FBXO9: variants seen among roughly 807,000 people sequenced by gnomAD.
FBXO9 encodes F-box only protein 9.
In FBXO9, 43 loss-of-function variants were observed where a neutral mutation model predicts 63.7. The ratio of observed to expected loss-of-function variants is 0.67; its 90% CI spans 0.53 to 0.87. The LOEUF is 0.87. Ranked by LOEUF, FBXO9 falls within the 40% of genes least tolerant of loss-of-function variation. The pLI, the probability that FBXO9 is intolerant of heterozygous loss-of-function variation, is 0.00. For missense variants in FBXO9, 442 were observed against 533.2 expected (o/e 0.83, Z 1.68); for synonymous variants, 156 against 171.7 (o/e 0.91, Z 0.72).
Position 53,071,141 on chromosome 6 carries a change from C to A in FBXO9, c.88C>A (p.Gln30Lys). ...ENESPAETDLQAQLQMFRAQW... is the reference protein window; with the variant it reads ...ENESPAETDLKAQLQMFRAQW... ...TGAAAGTCCTGCTGAAACAGATCTGCAGGCATGTTTCTTCAATTGTGTCTT... is the reference window on the plus strand; with the variant it reads ...TGAAAGTCCTGCTGAAACAGATCTGAAGGCATGTTTCTTCAATTGTGTCTT... Residue 30 changes from glutamine to lysine, a missense_variant and splice_region_variant, in exon 2 of 13, where the codon CAG becomes AAG. This residue lies in a region of FBXO9 where 180 missense variants were observed against 171.1 expected (regional missense o/e 1.05). Transcript: ENST00000323557. 6.4e-7 allele frequency: 1 copy of A among 1,555,288 alleles called. No individual in the cohort carries two copies. Among genetic ancestry groups the A allele is most frequent in the Non-Finnish European group, 8.7e-7 (1 of 1,147,810 alleles).
intron 7 of FBXO9, among the ~76,000 whole-genome samples, chr6:53,089,003 G>A (rs1299211975): frequency 6.6e-6 from 1 of 150,568 alleles, no homozygotes; most frequent in Admixed American, 6.6e-5. Flanking sequence ...CTCACTGCAA[G>A]CTCCGCCTCT....
intron 3 of FBXO9, among the ~76,000 whole-genome samples, chr6:53,074,104 T>C (rs1769015034): frequency 1.3e-5 from 2 of 152,240 alleles, no homozygotes; most frequent in Non-Finnish European, 2.9e-5. Context: ...ATTAATCATT[T>C]CCTTATTCTG....
chr6:53,093,424 G>T (rs748160306), intron 9 of FBXO9, 42 bp from the exon 10 acceptor site: 7 of 1,357,656 alleles, frequency 5.2e-6, no homozygotes, highest in Non-Finnish European at 6.3e-6. Flanking sequence ...TTTATACTTT[G>T]TGTGGGGGGT....
intron 1 of FBXO9, among the ~76,000 whole-genome samples, chr6:53,068,645 T>TAC (rs1450024980): frequency 2.2e-5 from 2 of 90,022 alleles, no homozygotes; most frequent in Non-Finnish European, 4.8e-5. Flanking sequence ...GGAATATATA[T>TAC]ATATATGTGT....
At chr6:53,074,569 C>T (rs1205219198) in intron 3 of FBXO9, among the ~76,000 whole-genome samples, 2 of 152,216 alleles carry the variant, frequency 1.3e-5, no homozygotes, top group African/African-American at 4.8e-5. Context: ...CTTCATGTAA[C>T]CACCACCACA....
chr6:53,086,093 G>A (rs764736617), intron 7 of FBXO9, among the ~76,000 whole-genome samples: 144 of 152,324 alleles, frequency 9.5e-4, no homozygotes, highest in East Asian at 2.1e-3. Context: ...AGGTTGCGGT[G>A]AGCTAAGATC....
chr6:53,096,504 C>T (rs964291370), intron 12 of FBXO9, among the ~76,000 whole-genome samples: 1 of 152,216 alleles, frequency 6.6e-6, no homozygotes, highest in Non-Finnish European at 1.5e-5. Flanking sequence ...TTTGGAAGGT[C>T]CTGACAACAG....
At chr6:53,095,467 A>C (rs777429134) in intron 11 of FBXO9, 46 bp from the exon 12 acceptor site, 1 of 1,522,874 alleles carries the variant, frequency 6.6e-7, no homozygotes, top group Non-Finnish European at 8.9e-7. Flanking sequence ...TAAACATAGA[A>C]GTGAGGTAAG....
At chr6:53,090,512 CAAAG>C (rs1000774213) in intron 7 of FBXO9, among the ~76,000 whole-genome samples, 21 of 152,026 alleles carry the variant, frequency 1.4e-4, no homozygotes, top group African/African-American at 4.1e-4. Flanking sequence ...AAAACAAAAA[CAAAG>C]AAAGAAAGAA....
intron 12 of FBXO9, among the ~76,000 whole-genome samples, chr6:53,096,203 A>T (rs987484183): frequency 6.6e-6 from 1 of 152,236 alleles, no homozygotes; most frequent in African/African-American, 2.4e-5. Flanking sequence ...TTACCTGTAC[A>T]TCATAATCAG....
At chr6:53,081,979 G>T (rs1008917762) in intron 6 of FBXO9, among the ~76,000 whole-genome samples, 1 of 152,018 alleles carries the variant, frequency 6.6e-6, no homozygotes, top group African/African-American at 2.4e-5. Context: ...TGAGGCACGA[G>T]AATTACTTGA....
intron 6 of FBXO9, among the ~76,000 whole-genome samples, chr6:53,081,773 A>G (rs890492014): frequency 2.6e-5 from 4 of 152,204 alleles, no homozygotes; most frequent in African/African-American, 9.6e-5. Context: ...ATGTTTAGGA[A>G]TTAATGGATT....
chr6:53,079,607 T>C (rs145242312), intron 5 of FBXO9, among the ~76,000 whole-genome samples: 1 of 152,144 alleles, frequency 6.6e-6, no homozygotes, highest in Non-Finnish European at 1.5e-5. Flanking sequence ...TTGGCTTAAT[T>C]GCACTATCTC....
chr6:53,097,067 C>T (rs1166699899), intron 12 of FBXO9, among the ~76,000 whole-genome samples: 1 of 152,000 alleles, frequency 6.6e-6, no homozygotes, highest in African/African-American at 2.4e-5. Flanking sequence ...CATTGACTTC[C>T]TTGTAATATT....
In FBXO9 at chr6:53,100,676, G is replaced by T. The variant is rs1162506593; in HGVS notation, c.*2846G>T. On this transcript the variant is annotated 3_prime_UTR_variant, in exon 13 of 13. Coordinates refer to ENST00000323557, the MANE Select transcript of FBXO9 (RefSeq NM_033480.3). ...ATGGTATTTATCTTTTGATTATTCT[G>T]TGCATCTATAAAAATGGGATTATAT... 1 of 152,062 alleles carries T rather than the reference G, an allele frequency of 6.6e-6. No homozygotes were observed. The highest frequency in any genetic ancestry group is 6.5e-5 in the Admixed American group (1 of 15,280). 9.4% of individuals were successfully genotyped at this position (152,062 alleles called of 1,614,324 possible).
intron 6 of FBXO9, among the ~76,000 whole-genome samples, chr6:53,081,690 T>C (rs1382757674): frequency 6.6e-6 from 1 of 152,220 alleles, no homozygotes; most frequent in Non-Finnish European, 1.5e-5. Flanking sequence ...GAGGTAGCCC[T>C]AAGAAAACTG....
intron 9 of FBXO9, chr6:53,093,153 C>T: frequency 2.6e-6 from 1 of 390,220 alleles, no homozygotes; most frequent in Non-Finnish European, 4.5e-6. Context: ...TTGTGTGTGG[C>T]TCTCACTTTG....
intron 7 of FBXO9, 194 bp from the exon 8 acceptor site, chr6:53,092,235 A>G: frequency 5.5e-6 from 3 of 541,080 alleles, no homozygotes; most frequent in Non-Finnish European, 9.9e-6. Flanking sequence ...GCGTACTACC[A>G]GAAGCTTTCC....
intron 7 of FBXO9, among the ~76,000 whole-genome samples, chr6:53,086,448 T>C (rs1762890039): frequency 6.6e-6 from 1 of 152,204 alleles, no homozygotes; most frequent in Non-Finnish European, 1.5e-5. Context: ...AAATTTTTTT[T>C]TTAGGCCAGT....
Sources: gnomAD v4.1 joint callset for allele counts (sites outside exome capture counted in the v4.1 genomes callset) on GRCh38, gnomAD v4.1.1 for gene constraint, gnomAD v4.1.1 regional missense constraint, MANE v1.5 for transcripts, NCBI Gene and HGNC (gene_info 2026-07-23, HGNC 2026-07-21) for gene names.